The following CHODL variants were observed in gnomAD, a reference collection of about 807,000 sequenced individuals.
CHODL encodes transmembrane protein MT75.
Under a neutral mutation model 34.5 loss-of-function variants are expected in CHODL, and 29 were observed. The observed-to-expected ratio is 0.84, with a 90% CI of 0.63 to 1.15. The LOEUF is 1.15. CHODL is among the 50% of genes most tolerant of loss of function. CHODL has a pLI of 0.00. For missense variants in CHODL, 332 were observed against 332.5 expected (o/e 1.00, Z 0.01); for synonymous variants, 125 against 116.1 (o/e 1.08, Z -0.49).
At chr21:18,214,111 C>A (rs1346976259) in intron 2 of CHODL, among the ~76,000 whole-genome samples, 1 of 152,060 alleles carries the variant, frequency 6.6e-6, no homozygotes, top group Non-Finnish European at 1.5e-5. Flanking sequence ...ACTTTGTCAT[C>A]CACCTATTTC....
chr21:18,141,598 A>G (rs1617077), intron 2 of CHODL, among the ~76,000 whole-genome samples: 11,888 of 151,982 alleles, frequency 0.078, 1,477 homozygotes, highest in African/African-American at 0.26. Context: ...TGCTATACAC[A>G]TGACACTTCC....
chr21:18,028,560 G>A (rs866979321), intron 2 of CHODL, among the ~76,000 whole-genome samples: 5 of 151,554 alleles, frequency 3.3e-5, no homozygotes, highest in Admixed American at 2.6e-4. Context: ...TTAGCTGGGC[G>A]TGGTGGCAGG....
At chr21:17,959,339 GT>G (rs1412909816) in intron 1 of CHODL, among the ~76,000 whole-genome samples, 1 of 152,042 alleles carries the variant, frequency 6.6e-6, no homozygotes, top group Non-Finnish European at 1.5e-5. Flanking sequence ...TACGTTTTTG[GT>G]GTTTAATTTC....
chr21:18,177,839 A>ATAAT (rs1378947242), intron 2 of CHODL, among the ~76,000 whole-genome samples: 3 of 152,180 alleles, frequency 2.0e-5, no homozygotes, highest in Non-Finnish European at 4.4e-5. Context: ...TCACTGGTAA[A>ATAAT]TTATTTATAA....
At position 18,193,719 on chromosome 21, in the gene CHODL, AT is replaced by A. The variant is rs2073545245; in HGVS notation, c.-44-62789del. Among the ~76,000 whole-genome samples the A allele has an allele frequency of 7.6e-5, 11 of 144,526 alleles. 1 individual carries two copies. The highest frequency in any genetic ancestry group is 5.8e-4 in the Admixed American group (8 of 13,792). The allele number at this position is 144,526 out of a possible 152,430, so 94.8% of individuals were successfully genotyped here. A position where few individuals can be genotyped will look rare whatever the true frequency, so the allele number is the denominator to read the frequency against. On this transcript the variant is annotated intron_variant, in intron 2 of 6. Transcript: ENST00000400127. The stretch of plus-strand genomic sequence containing the variant: ...TCAGAAAAAAAAAAAAATAAAATAA[AT>A]AAATAAATAAATAAATAAATAAATA...
chr21:18,164,912 C>A (rs2073135176), intron 2 of CHODL, among the ~76,000 whole-genome samples: 1 of 152,166 alleles, frequency 6.6e-6, no homozygotes, highest in South Asian at 2.1e-4. Flanking sequence ...CCATGTTCTC[C>A]CTCAAACAAT....
chr21:18,026,048 C>A lies in CHODL; in HGVS notation c.-144-1824C>A, dbSNP rs560931059. On this transcript the variant is annotated intron_variant, in intron 1 of 6. Coordinates refer to the CHODL transcript ENST00000400127. ...CTAACAATTGGTTTATTTCCAGCCA[C>A]TGTAATATAGGTTTGGTGAGGTAAA... 4.3e-4 allele frequency among the ~76,000 whole-genome samples: 65 copies of A among 152,222 alleles called. No homozygotes were observed. The South Asian group carries it at 1.0e-2, about 23-fold the overall frequency.
At chr21:18,064,946 A>C (rs1256375700) in intron 2 of CHODL, among the ~76,000 whole-genome samples, 1 of 152,346 alleles carries the variant, frequency 6.6e-6, no homozygotes, top group East Asian at 1.9e-4. Context: ...GATTTGTGTC[A>C]GTGGGACTAG....
chr21:18,206,255 G>C (rs561666234), intron 2 of CHODL, among the ~76,000 whole-genome samples: 5 of 152,218 alleles, frequency 3.3e-5, no homozygotes, highest in Non-Finnish European at 7.4e-5. Context: ...AACTATTATT[G>C]TATTGAAGTT....
chr21:18,079,627 T>G (rs368725743), intron 2 of CHODL, among the ~76,000 whole-genome samples: 13 of 151,402 alleles, frequency 8.6e-5, no homozygotes, highest in African/African-American at 3.1e-4. Flanking sequence ...ACCATATGTA[T>G]ATCACATTTT....
intron 1 of CHODL, among the ~76,000 whole-genome samples, chr21:18,002,002 A>G (rs2063911559): frequency 6.6e-6 from 1 of 152,178 alleles, no homozygotes; most frequent in African/African-American, 2.4e-5. Context: ...ACTGGGCCAC[A>G]TATCTAATCA....
chr21:17,967,885 A>C (rs10470204), intron 1 of CHODL, among the ~76,000 whole-genome samples: 2,714 of 152,240 alleles, frequency 0.018, 80 homozygotes, highest in African/African-American at 0.06. Flanking sequence ...TCATGTCAGG[A>C]CCAATGCCTA....
intron 1 of CHODL, among the ~76,000 whole-genome samples, chr21:17,958,420 T>A (rs2063508596): frequency 6.6e-6 from 1 of 152,208 alleles, no homozygotes; most frequent in Non-Finnish European, 1.5e-5. Context: ...TTCCTAGCTC[T>A]AGGCAAGTGA....
At chr21:18,119,553 G>A (rs111663829) in intron 2 of CHODL, among the ~76,000 whole-genome samples, 33 of 152,230 alleles carry the variant, frequency 2.2e-4, no homozygotes, top group African/African-American at 7.9e-4. Context: ...TCTACATGAA[G>A]GGACAATGAG....
chr21:17,928,480 C>T (rs535440249), intron 1 of CHODL, among the ~76,000 whole-genome samples: 11 of 152,034 alleles, frequency 7.2e-5, no homozygotes, highest in Non-Finnish European at 1.3e-4. Context: ...AGAGACAAAG[C>T]GGGGTGTCCT....
At chr21:18,236,438 G>A (rs1272896665) in intron 2 of CHODL, among the ~76,000 whole-genome samples, 5 of 152,024 alleles carry the variant, frequency 3.3e-5, no homozygotes, top group African/African-American at 1.2e-4. Flanking sequence ...TGAGCATTTA[G>A]ACCCTTATCT....
At chr21:18,217,380 C>G (rs987314350) in intron 2 of CHODL, among the ~76,000 whole-genome samples, 36 of 152,086 alleles carry the variant, frequency 2.4e-4, no homozygotes, top group Admixed American at 2.2e-3. Context: ...TCCTTACCCA[C>G]ATGATGGCAG....
intron 2 of CHODL, among the ~76,000 whole-genome samples, chr21:18,219,576 C>T (rs1164057314): frequency 6.6e-6 from 1 of 152,132 alleles, no homozygotes; most frequent in African/African-American, 2.4e-5. Context: ...TTCTCCACAT[C>T]CTCCCAAACT....
chr21:17,928,955 G>T (rs1164180543), intron 1 of CHODL, among the ~76,000 whole-genome samples: 6 of 152,168 alleles, frequency 3.9e-5, no homozygotes, highest in African/African-American at 1.4e-4. Flanking sequence ...CTTCATGCAA[G>T]TATCATAGTC....
Sources: allele counts gnomAD v4.1 joint callset (sites outside exome capture counted in the v4.1 genomes callset), GRCh38; gene constraint gnomAD v4.1.1; transcripts MANE v1.5; gene names NCBI Gene and HGNC (gene_info 2026-07-23, HGNC 2026-07-21).